FBLIM1: variants seen among roughly 807,000 people sequenced by gnomAD.
The protein encoded by FBLIM1 is filamin binding LIM protein 1.
A neutral mutation model predicts 37.4 loss-of-function variants in FBLIM1; 29 were observed. That is an observed-to-expected ratio of 0.77 (90% CI 0.58 to 1.06). The LOEUF (loss-of-function observed/expected upper bound fraction) is 1.06, where lower values mean the gene tolerates loss of function less well. Ranked by LOEUF, FBLIM1 falls within the 50% of genes least tolerant of loss-of-function variation. The probability of loss-of-function intolerance (pLI) is 0.00; values close to 1 mark genes in which losing one functional copy is unlikely to be tolerated. For missense variants in FBLIM1, 449 were observed against 505.6 expected, an observed-to-expected ratio of 0.89 and a Z score of 1.07; for synonymous variants, 193 against 199.0, an observed-to-expected ratio of 0.97 and a Z score of 0.25.
upstream of FBLIM1, chr1:15,758,715 G>T: frequency 6.6e-6 from 1 of 152,150 alleles, no homozygotes; most frequent in South Asian, 1.9e-4. The surrounding 1 kb of genome is among the most constrained non-coding windows in gnomAD (Gnocchi z 6.2). Context: ...ATGGTAAAGC[G>T]GCGCGGGGCG....
chr1:15,783,903 T>A (rs1372136211), intron 8 of FBLIM1, among the ~76,000 whole-genome samples: 1 of 152,030 alleles, frequency 6.6e-6, no homozygotes, highest in Non-Finnish European at 1.5e-5. Context: ...TCTAAAGGGG[T>A]TATTGAAGCC....
Position 15,784,772 on chromosome 1 carries a change from G to T in FBLIM1, c.*111G>T, listed in dbSNP as rs912048685. 1.3e-5 allele frequency: 12 copies of T among 940,080 alleles called. No individual in the cohort carries two copies. In the East Asian group the frequency reaches 2.3e-4, roughly 18 times the overall value. The allele number at this position is 940,080 out of a possible 1,614,324, so 58.2% of individuals were successfully genotyped here. On this transcript the variant is annotated 3_prime_UTR_variant, in exon 9 of 9. Coordinates refer to ENST00000375766, the MANE Select transcript of FBLIM1 (RefSeq NM_017556.4). ...CACTTTCCTTCTGAGCCTCCATGGA[G>T]ACCAGCCTGCAAGCCGGCCCAGCCT...
chr1:15,772,467 G>A (rs78448326), intron 6 of FBLIM1, among the ~76,000 whole-genome samples: 2 of 152,158 alleles, frequency 1.3e-5, no homozygotes, highest in African/African-American at 2.4e-5. Flanking sequence ...TGAGAGGGAG[G>A]GGGGAGTGGG....
chr1:15,768,769 G>T (rs570264311), intron 5 of FBLIM1, 139 bp downstream of exon 5: 3 of 514,738 alleles, frequency 5.8e-6, no homozygotes, highest in East Asian at 7.0e-5. Context: ...TTTGTAGTTC[G>T]GCATCCATTT....
intron 1 of FBLIM1, among the ~76,000 whole-genome samples, chr1:15,763,525 A>G (rs1356574249): frequency 1.3e-5 from 2 of 149,900 alleles, no homozygotes; most frequent in African/African-American, 4.9e-5. Context: ...AGTCCCAGCT[A>G]CTCGGGAGGC....
At chr1:15,760,108 C>T (rs1450221007) in intron 1 of FBLIM1, among the ~76,000 whole-genome samples, 1 of 151,890 alleles carries the variant, frequency 6.6e-6, no homozygotes. Flanking sequence ...CCTGTAATCC[C>T]AGCTATTCGG....
In FBLIM1 at chr1:15,770,939, TTC is replaced by T. The variant is rs573897356; in HGVS notation, c.711+363_711+364del. Among the ~76,000 whole-genome samples, 737 of 152,258 alleles carry T rather than the reference TTC, an allele frequency of 4.8e-3. 8 individuals are homozygous for T. The highest frequency in any genetic ancestry group is 0.017 in the African/African-American group (697 of 41,554). ...GCAATTTCTTTTTTTCTTCTTCTTCTTCTTTTTTTTTGCGGTGGGGGACGGAG... is the reference window on the plus strand; with the variant it reads ...GCAATTTCTTTTTTTCTTCTTCTTCTTTTTTTTTTGCGGTGGGGGACGGAG... On this transcript the variant is annotated intron_variant, in intron 6 of 8. Transcript: ENST00000375766.
At chr1:15,779,246 C>G (rs1325333809) in intron 8 of FBLIM1, among the ~76,000 whole-genome samples, 1 of 150,410 alleles carries the variant, frequency 6.6e-6, no homozygotes, top group South Asian at 2.1e-4. Context: ...TAGATCAACT[C>G]TTTTGAATGT....
rs775435687 is a variant in FBLIM1, at chr1:15,774,578, G to A, written c.712-40G>A. 9 of 1,573,642 alleles carry A rather than the reference G, an allele frequency of 5.7e-6. No individual in the cohort carries two copies. The Admixed American group carries it at 8.9e-5, about 15-fold the overall frequency. On this transcript the variant is annotated intron_variant, in intron 6 of 8. Coordinates refer to ENST00000375766, the MANE Select transcript of FBLIM1 (RefSeq NM_017556.4). Reference sequence around the variant, plus strand: ...AAGACGACCCTCGTGGGTTGGGGTGGGTGTGTCGTGGATGGTTCTGGCAGT... The same window carrying A: ...AAGACGACCCTCGTGGGTTGGGGTGAGTGTGTCGTGGATGGTTCTGGCAGT...
intron 4 of FBLIM1, 92 bp from the exon 5 acceptor site, chr1:15,768,436 G>C: frequency 1.2e-6 from 1 of 828,716 alleles, no homozygotes; most frequent in Non-Finnish European, 1.8e-6. Flanking sequence ...GTACAATGCG[G>C]CTAATTGTAC....
chr1:15,774,878 T>C, intron 7 of FBLIM1, 82 bp downstream of exon 7: 1 of 1,612,702 alleles, frequency 6.2e-7, no homozygotes, highest in Non-Finnish European at 8.5e-7. Flanking sequence ...GCTTGAGTCC[T>C]GGGTGCTGGG....
chr1:15,777,269 A>C lies in FBLIM1; in HGVS notation c.990A>C (p.Glu330Asp). 1 of 1,613,170 alleles carries C rather than the reference A, an allele frequency of 6.2e-7. No individual in the cohort carries two copies. The part of the protein sequence containing the change: ...KIECMGRNFH[E>D]NCYRCEDCRI... ...AATGCATGGGAAGAAACTTCCATGA[A>C]AATTGCTACAGGTGTGAGGTGAGTG... Residue 330 changes from glutamate (E) to aspartate (D), a missense_variant, in exon 8 of 9, where the codon GAA (glutamate) becomes GAC (aspartate). Coordinates refer to ENST00000375766, the MANE Select transcript of FBLIM1 (RefSeq NM_017556.4).
chr1:15,777,309 T>C (rs1293868153), intron 8 of FBLIM1, 22 bp downstream of exon 8: 3 of 1,568,948 alleles, frequency 1.9e-6, no homozygotes, highest in Non-Finnish European at 2.6e-6. Flanking sequence ...CTAGGTGGTT[T>C]AATAACATTC....
chr1:15,781,715 A>AT (rs1235403768), intron 8 of FBLIM1, among the ~76,000 whole-genome samples: 21 of 123,364 alleles, frequency 1.7e-4, no homozygotes, highest in Non-Finnish European at 3.2e-4. Flanking sequence ...TGTAGGTAGT[A>AT]TTGTTTTTTT....
intron 1 of FBLIM1, among the ~76,000 whole-genome samples, chr1:15,763,776 A>T (rs2068791129): frequency 6.6e-6 from 1 of 151,786 alleles, no homozygotes; most frequent in Admixed American, 6.6e-5. Flanking sequence ...AGTAGCTGGG[A>T]TTACAGGTGC....
chr1:15,757,103 G>A (rs568588549), upstream of FBLIM1, among the ~76,000 whole-genome samples: 34 of 152,320 alleles, frequency 2.2e-4, no homozygotes, highest in African/African-American at 7.9e-4. The surrounding 1 kb of genome is among the most constrained non-coding windows in gnomAD (Gnocchi z 4.1). Flanking sequence ...GTTTTGGGGG[G>A]CAGGGGCAGG....
At chr1:15,781,828 C>T (rs1184629847) in intron 8 of FBLIM1, among the ~76,000 whole-genome samples, 1 of 148,954 alleles carries the variant, frequency 6.7e-6, no homozygotes, top group African/African-American at 2.5e-5. Context: ...ACGCCATTCT[C>T]CTGCCTCAGC....
intron 8 of FBLIM1, among the ~76,000 whole-genome samples, chr1:15,780,504 A>T (rs767991723): frequency 1.3e-5 from 2 of 152,144 alleles, no homozygotes; most frequent in Non-Finnish European, 2.9e-5. Flanking sequence ...CAAAATTCTT[A>T]ATTTTTGAAC....
chr1:15,763,160 C>A (rs1332670180), intron 1 of FBLIM1, among the ~76,000 whole-genome samples: 1 of 151,872 alleles, frequency 6.6e-6, no homozygotes, highest in Admixed American at 6.6e-5. Flanking sequence ...CCTCCACTCC[C>A]ACGGGTTCAA....
Sources: allele counts gnomAD v4.1 joint callset (sites outside exome capture counted in the v4.1 genomes callset), GRCh38; gene constraint gnomAD v4.1.1; non-coding constraint Gnocchi (gnomAD v3.1); transcripts MANE v1.5; gene names NCBI Gene and HGNC (gene_info 2026-07-23, HGNC 2026-07-21).